Variants in VOPP1 observed in about 807,000 individuals in gnomAD.
VOPP1 encodes WW domain binding protein VOPP1.
In VOPP1, 8 loss-of-function variants were observed where a neutral mutation model predicts 23.5. The observed-to-expected ratio is 0.34, with a 90% CI of 0.20 to 0.61. The LOEUF (loss-of-function observed/expected upper bound fraction) is 0.61, where lower values mean the gene tolerates loss of function less well. Ranked by LOEUF, VOPP1 falls within the 20% of genes least tolerant of loss-of-function variation. The pLI is 0.78. For missense variants in VOPP1, 174 were observed against 238.1 expected, an observed-to-expected ratio of 0.73 and a Z score of 1.77; for synonymous variants, 83 against 97.3, an observed-to-expected ratio of 0.85 and a Z score of 0.86.
At chr7:55,550,884 CATA>C (rs1169424141) in intron 1 of VOPP1, among the ~76,000 whole-genome samples, 1 of 152,102 alleles carries the variant, frequency 6.6e-6, no homozygotes, top group Non-Finnish European at 1.5e-5. Flanking sequence ...GGCTTATTTT[CATA>C]ATAAAGCAAT....
chr7:55,568,325 C>G (rs1014338332), intron 1 of VOPP1, among the ~76,000 whole-genome samples: 1 of 152,102 alleles, frequency 6.6e-6, no homozygotes, highest in South Asian at 2.1e-4. Flanking sequence ...GTGATCCACC[C>G]GCCTCGCCCA....
chr7:55,476,441 C>CGGGGGGGGGGGGGGGG (rs1481944079), intron 4 of VOPP1, among the ~76,000 whole-genome samples: 1 of 83,208 alleles, frequency 1.2e-5, no homozygotes. Flanking sequence ...GGGGGGTGGG[C>CGGGGGGGGGGGGGGGG]GGGGGGGCTG....
rs745402895 is a variant in VOPP1, at chr7:55,497,699, A to G, written c.114-9T>C. ...CCTCGTAGGAGCGGCATCTGTGGAG[A>G]GAGGCACAGGCTGGTCAGCACTGAA... is the stretch of plus-strand genomic sequence containing the variant. On this transcript the variant is annotated splice_polypyrimidine_tract_variant and intron_variant, in intron 2 of 4. Transcript: ENST00000285279. The G allele has an allele frequency of 2.6e-5, 42 of 1,613,658 alleles. No homozygotes were observed. In the South Asian group the frequency reaches 4.3e-4, roughly 16 times the overall value.
At chr7:55,442,098 G>A (rs1443223282) in intron 4 of VOPP1, among the ~76,000 whole-genome samples, 3 of 152,248 alleles carry the variant, frequency 2.0e-5, no homozygotes, top group African/African-American at 7.2e-5. Context: ...AAGCATCATT[G>A]CATTCAATTA....
At chr7:55,555,002 AGG>A (rs1797754736) in intron 1 of VOPP1, among the ~76,000 whole-genome samples, 1 of 152,222 alleles carries the variant, frequency 6.6e-6, no homozygotes, top group Non-Finnish European at 1.5e-5. Flanking sequence ...CATCTCCCGA[AGG>A]AGAAAATCAG....
intron 1 of VOPP1, chr7:55,552,547 T>C (rs1040301246): frequency 9.2e-6 from 14 of 1,521,668 alleles, no homozygotes; most frequent in Admixed American, 3.9e-5. Flanking sequence ...CAAGCATGAT[T>C]TTCCCAGGGT....
chr7:55,491,456 G>C (rs1793560757), intron 4 of VOPP1, among the ~76,000 whole-genome samples: 1 of 152,136 alleles, frequency 6.6e-6, no homozygotes, highest in Admixed American at 6.5e-5. Flanking sequence ...ACTGTGGCTG[G>C]GAGCATGGCG....
intron 4 of VOPP1, among the ~76,000 whole-genome samples, chr7:55,464,180 G>C (rs991121183): frequency 6.6e-6 from 1 of 152,206 alleles, no homozygotes; most frequent in Non-Finnish European, 1.5e-5. Flanking sequence ...ACCCACGATG[G>C]TGTGTGCAGG....
intron 3 of VOPP1, among the ~76,000 whole-genome samples, chr7:55,497,197 C>T (rs1013438993): frequency 3.9e-5 from 6 of 152,194 alleles, no homozygotes; most frequent in East Asian, 1.9e-4. Flanking sequence ...ATCTTGAAAG[C>T]GAAGAGTCAG....
At chr7:55,487,630 T>C (rs1793237598) in intron 4 of VOPP1, among the ~76,000 whole-genome samples, 1 of 152,242 alleles carries the variant, frequency 6.6e-6, no homozygotes, top group African/African-American at 2.4e-5. Context: ...GCTAGCCTCA[T>C]GACCATTTCA....
intron 1 of VOPP1, among the ~76,000 whole-genome samples, chr7:55,552,055 A>G (rs1797632753): frequency 1.4e-5 from 2 of 147,216 alleles, no homozygotes; most frequent in Non-Finnish European, 3.0e-5. Flanking sequence ...AAAGGTGTTG[A>G]CAAGGTGTGG....
At chr7:55,498,050 G>A (rs1293187300) in intron 2 of VOPP1, among the ~76,000 whole-genome samples, 7 of 152,214 alleles carry the variant, frequency 4.6e-5, no homozygotes, top group Admixed American at 1.3e-4. Context: ...CAGCACCCAC[G>A]TGGTGCTCAT....
At chr7:55,509,634 T>C (rs1424933461) in intron 2 of VOPP1, among the ~76,000 whole-genome samples, 1 of 152,224 alleles carries the variant, frequency 6.6e-6, no homozygotes, top group Non-Finnish European at 1.5e-5. Context: ...AACTCTTAAG[T>C]CTACATTCCA....
chr7:55,463,921 C>G (rs1469938329), intron 4 of VOPP1, among the ~76,000 whole-genome samples: 6 of 152,220 alleles, frequency 3.9e-5, no homozygotes, highest in Non-Finnish European at 8.8e-5. Flanking sequence ...CTGGGCAGGT[C>G]TCTTCTCAGA....
intron 2 of VOPP1, chr7:55,515,976 T>C (rs1795380826): frequency 3.0e-6 from 3 of 985,406 alleles, no homozygotes; most frequent in East Asian, 2.3e-4. Flanking sequence ...GCTCACACGG[T>C]GGCCCCTGTT....
At chr7:55,537,643 TG>T in intron 1 of VOPP1, 1 of 1,521,968 alleles carries the variant, frequency 6.6e-7, no homozygotes, top group Non-Finnish European at 8.8e-7. Context: ...AATAAAGCTC[TG>T]GCGCCCGCAG....
At chr7:55,539,047 G>A (rs1346033586) in intron 1 of VOPP1, among the ~76,000 whole-genome samples, 1 of 143,684 alleles carries the variant, frequency 7.0e-6, no homozygotes, top group African/African-American at 2.5e-5. Flanking sequence ...AAAAGGGGGG[G>A]GGGGAGGGGC....
chr7:55,518,816 C>T (rs1795644227), intron 2 of VOPP1, among the ~76,000 whole-genome samples: 1 of 152,056 alleles, frequency 6.6e-6, no homozygotes. Flanking sequence ...AGGCATTGTT[C>T]CTGATGGTTT....
intron 1 of VOPP1, among the ~76,000 whole-genome samples, chr7:55,564,851 C>G (rs1798113718): frequency 6.6e-6 from 1 of 152,100 alleles, no homozygotes; most frequent in African/African-American, 2.4e-5. Context: ...TCAGTGGGAG[C>G]TTAGGTTTAC....
Sources: allele counts gnomAD v4.1 joint callset (sites outside exome capture counted in the v4.1 genomes callset), GRCh38; gene constraint gnomAD v4.1.1; transcripts MANE v1.5; gene names NCBI Gene and HGNC (gene_info 2026-07-23, HGNC 2026-07-21).